The following RORA variants were observed in gnomAD, a reference collection of about 807,000 sequenced individuals.
The protein encoded by RORA is RAR related orphan receptor A, also known as nuclear receptor ROR-alpha.
RORA carries 7 observed loss-of-function variants against 69.5 expected under a neutral mutation model. That is an observed-to-expected ratio of 0.10 (90% CI 0.06 to 0.19). The LOEUF is 0.19. Among genes scored for constraint, RORA ranks in the 10% least tolerant of loss-of-function variants. RORA has a pLI of 1.00. For synonymous variants in RORA, 261 were observed against 240.8 expected (o/e 1.08, Z -0.78); for missense variants, 457 against 663.0 (o/e 0.69, Z 3.41).
At chr15:60,615,246 G>GT (rs1209082027) in intron 2 of RORA, among the ~76,000 whole-genome samples, 3 of 152,182 alleles carry the variant, frequency 2.0e-5, no homozygotes, top group Non-Finnish European at 2.9e-5. Flanking sequence ...TGGGGTCAGG[G>GT]GATATAGATA....
chr15:60,792,728 TGAGAGATTCATTGCCAA>T (rs1333670588), intron 1 of RORA, among the ~76,000 whole-genome samples: 1 of 152,176 alleles, frequency 6.6e-6, no homozygotes, highest in Non-Finnish European at 1.5e-5. Context: ...TTGGATAAAC[TGAGAGATTCATTGCCAA>T]GAGATCTGTA....
chr15:60,997,976 A>C (rs911747881), intron 1 of RORA, among the ~76,000 whole-genome samples: 28 of 152,200 alleles, frequency 1.8e-4, no homozygotes, highest in African/African-American at 6.8e-4. Flanking sequence ...GCCACAATGC[A>C]CAGACACTAT....
At chr15:60,836,514 T>C (rs1460773008) in intron 1 of RORA, among the ~76,000 whole-genome samples, 2 of 152,184 alleles carry the variant, frequency 1.3e-5, no homozygotes, top group Non-Finnish European at 2.9e-5. Context: ...ACACTTTCCC[T>C]GGACACTAAG....
Position 60,597,512 on chromosome 15 carries a change from TACACACACACACACAC to T in RORA, c.197-65677_197-65662del, listed in dbSNP as rs56774445. On this transcript the variant is annotated intron_variant, in intron 2 of 10. Transcript: ENST00000335670. ...CTATACCTGGCAGTGGTACAGGAGATACACACACACACACACACACACACACACACACACACAACAT... is the reference window on the plus strand; with the variant it reads ...CTATACCTGGCAGTGGTACAGGAGATACACACACACACACACACACAACAT... Among the ~76,000 whole-genome samples the T allele has an allele frequency of 1.2e-4, 5 of 43,226 alleles. No homozygotes were observed. The East Asian group carries it at 6.7e-3, about 58-fold the overall frequency. 28.4% of individuals were successfully genotyped at this position (43,226 alleles called of 152,430 possible).
chr15:61,091,517 G>A (rs1296844193), intron 1 of RORA, among the ~76,000 whole-genome samples: 1 of 152,172 alleles, frequency 6.6e-6, no homozygotes, highest in African/African-American at 2.4e-5. Flanking sequence ...CTTCCCAGGG[G>A]CAATCCTCAG....
At chr15:61,189,567 C>T (rs1328267418) in intron 1 of RORA, among the ~76,000 whole-genome samples, 1 of 152,090 alleles carries the variant, frequency 6.6e-6, no homozygotes, top group Non-Finnish European at 1.5e-5. Context: ...GAAGACAGAA[C>T]AGATATCTGG....
At chr15:60,576,010 G>T (rs2068015058) in intron 2 of RORA, among the ~76,000 whole-genome samples, 1 of 152,204 alleles carries the variant, frequency 6.6e-6, no homozygotes, top group African/African-American at 2.4e-5. Flanking sequence ...AGCGTGGCTT[G>T]CCTTGCTTTC....
At chr15:61,157,175 T>G (rs1032824313) in intron 1 of RORA, among the ~76,000 whole-genome samples, 1 of 152,184 alleles carries the variant, frequency 6.6e-6, no homozygotes, top group African/African-American at 2.4e-5. Context: ...ACCAAGTATT[T>G]TGACCAAGTG....
In RORA at chr15:60,840,894, C is replaced by T. The variant is rs183056072; in HGVS notation, c.167-162208G>A. 1.5e-4 allele frequency among the ~76,000 whole-genome samples: 23 copies of T among 152,210 alleles called. No individual in the cohort carries two copies. The East Asian group carries it at 3.7e-3, about 24-fold the overall frequency. ...AGCTGGAGCCCAGGCGATAGTTTTT[C>T]GAAAGCTGTTACCCAAAAAAAGCAA... On this transcript the variant is annotated intron_variant, in intron 1 of 10. Coordinates refer to ENST00000335670, the MANE Select transcript of RORA (RefSeq NM_134261.3).
chr15:60,642,681 G>C (rs926188556), intron 2 of RORA, among the ~76,000 whole-genome samples: 1 of 152,026 alleles, frequency 6.6e-6, no homozygotes, highest in African/African-American at 2.4e-5. Context: ...ACTTGAGCCC[G>C]GAAGTTCAAG....
intron 2 of RORA, among the ~76,000 whole-genome samples, chr15:60,617,225 G>C (rs1467391538): frequency 6.6e-6 from 1 of 152,096 alleles, no homozygotes; most frequent in Non-Finnish European, 1.5e-5. Flanking sequence ...GTATACAGTA[G>C]GTGCCATTTT....
intron 1 of RORA, among the ~76,000 whole-genome samples, chr15:60,806,278 C>A (rs2072658644): frequency 1.3e-5 from 2 of 152,178 alleles, no homozygotes; most frequent in African/African-American, 4.8e-5. Context: ...GCTGGCTGGC[C>A]AAGGTGCCCG....
chr15:60,734,560 C>T (rs2071474043), intron 1 of RORA, among the ~76,000 whole-genome samples: 2 of 152,178 alleles, frequency 1.3e-5, no homozygotes, highest in South Asian at 4.1e-4. Flanking sequence ...GAAAGTTTGT[C>T]TTTGTAAATA....
chr15:60,710,103 A>G (rs1179825174), intron 1 of RORA, among the ~76,000 whole-genome samples: 1 of 152,152 alleles, frequency 6.6e-6, no homozygotes, highest in Non-Finnish European at 1.5e-5. Context: ...CCGATAGGAG[A>G]GAGACTGGAT....
chr15:60,647,080 G>A (rs2070059364), intron 2 of RORA, among the ~76,000 whole-genome samples: 1 of 152,162 alleles, frequency 6.6e-6, no homozygotes, highest in Non-Finnish European at 1.5e-5. Flanking sequence ...GGTATTGACT[G>A]GGAAATGGGC....
chr15:61,220,254 G>A (rs2080082673), intron 1 of RORA, among the ~76,000 whole-genome samples: 1 of 152,208 alleles, frequency 6.6e-6, no homozygotes, highest in South Asian at 2.1e-4. Flanking sequence ...ACAATTGAGA[G>A]TTATGAGCAG....
intron 1 of RORA, among the ~76,000 whole-genome samples, chr15:61,146,310 A>G (rs78632994): frequency 2.7e-5 from 4 of 150,416 alleles, no homozygotes; most frequent in Admixed American, 6.6e-5. Context: ...TGTCATCTAC[A>G]TGAAAAATCT....
At chr15:60,967,744 T>C (rs537126285) in intron 1 of RORA, among the ~76,000 whole-genome samples, 1 of 152,304 alleles carries the variant, frequency 6.6e-6, no homozygotes, top group Admixed American at 6.5e-5. Context: ...TGTGAGTAAA[T>C]AGAAGGCAGA....
At chr15:60,592,463 C>T (rs1236542636) in intron 2 of RORA, 9 of 1,383,006 alleles carry the variant, frequency 6.5e-6, no homozygotes, top group East Asian at 6.3e-5. Context: ...TGGTCCGACC[C>T]CGGAGCCCCC....
Sources: gnomAD v4.1 joint callset for allele counts (sites outside exome capture counted in the v4.1 genomes callset) on GRCh38, gnomAD v4.1.1 for gene constraint, MANE v1.5 for transcripts, NCBI Gene and HGNC (gene_info 2026-07-23, HGNC 2026-07-21) for gene names.